Variants in ANKS6 observed in about 807,000 individuals in gnomAD.
ANKS6 encodes the protein ankyrin repeat and sterile alpha motif domain containing 6.
In ANKS6, 47 loss-of-function variants were observed where a neutral mutation model predicts 77.9. The ratio of observed to expected loss-of-function variants is 0.60; its 90% CI spans 0.48 to 0.77. ANKS6 has a LOEUF of 0.77. Ranked by LOEUF, ANKS6 falls within the 30% of genes least tolerant of loss-of-function variation. The probability of loss-of-function intolerance (pLI) is 0.00; values close to 1 mark genes in which losing one functional copy is unlikely to be tolerated. For synonymous variants in ANKS6, 488 were observed against 501.7 expected, an observed-to-expected ratio of 0.97 and a Z score of 0.37; for missense variants, 1,150 against 1,159.1, an observed-to-expected ratio of 0.99 and a Z score of 0.11.
At chr9:98,771,328 A>G (rs1833615484) in intron 9 of ANKS6, among the ~76,000 whole-genome samples, 1 of 152,052 alleles carries the variant, frequency 6.6e-6, no homozygotes, top group Non-Finnish European at 1.5e-5. Context: ...TCCAGGAAAA[A>G]ACCTGACCAT....
Position 98,790,278 on chromosome 9 carries a change from T to G in ANKS6, c.688A>C (p.Met230Leu). ...AGCCGCCCAGTGAGTGCGGCCAGCA[T>G]CAGCGGGCTCCAGCCCACGGTCCGG... is the stretch of plus-strand genomic sequence containing the variant. Reference protein sequence around the residue: ...AARTVGWSPLMLAALTGRLGV... With the variant: ...AARTVGWSPLLLAALTGRLGV... The change falls in exon 2 of 15, where the codon ATG becomes CTG. Residue 230 changes from methionine to leucine, a missense_variant. Transcript: ENST00000353234. The G allele has an allele frequency of 6.2e-7, 1 of 1,603,920 alleles. No homozygotes were observed.
At position 98,762,651 on chromosome 9, in the gene ANKS6, C is replaced by CT. The variant is rs143516830; in HGVS notation, c.2142+5429dup. ...TTGTTAAGTGCTTTTTCTGCATATT[C>CT]TTTAGTCTGTTCATACGGTGAAGGC... On this transcript the variant is annotated intron_variant, in intron 11 of 14. Transcript: ENST00000353234. 5.0e-3 allele frequency among the ~76,000 whole-genome samples: 756 copies of CT among 152,190 alleles called. 6 individuals carry two copies. Among genetic ancestry groups the CT allele is most frequent in the South Asian group, 0.022 (108 of 4,828 alleles).
intron 1 of ANKS6, 148 bp from the exon 2 acceptor site, chr9:98,790,754 T>A (rs1013352992): frequency 4.5e-6 from 5 of 1,108,996 alleles, no homozygotes; most frequent in East Asian, 2.6e-5. Flanking sequence ...GCCAGCCACA[T>A]GGATGCAGAT....
At chr9:98,772,332 G>A (rs1261564441) in intron 9 of ANKS6, among the ~76,000 whole-genome samples, 1 of 152,218 alleles carries the variant, frequency 6.6e-6, no homozygotes, top group Non-Finnish European at 1.5e-5. Flanking sequence ...CACAAGCCAA[G>A]CGAAGCCTAG....
chr9:98,733,074 G>A lies in ANKS6; in HGVS notation c.*3445C>T, dbSNP rs1225806385. 2.1e-5 allele frequency: 17 copies of A among 810,036 alleles called. No individual in the cohort carries two copies. Among genetic ancestry groups the A allele is most frequent in the African/African-American group, 5.6e-5 (3 of 53,400 alleles). The allele number at this position is 810,036 out of a possible 1,614,324, so 50.2% of individuals were successfully genotyped here. On this transcript the variant is annotated 3_prime_UTR_variant, in exon 15 of 15. Transcript: ENST00000353234. ...GGCTTCATCACCACACCATCTCACC[G>A]ACATGATTGTCTCCTCTAAGATACT...
chr9:98,741,288 A>C (rs966623530), intron 14 of ANKS6, among the ~76,000 whole-genome samples: 1 of 152,254 alleles, frequency 6.6e-6, no homozygotes, highest in Non-Finnish European at 1.5e-5. Flanking sequence ...AATTTATCTC[A>C]GTTATATTTT....
chr9:98,796,071 C>A lies in ANKS6; in HGVS notation c.359+62G>T, dbSNP rs889049709. On this transcript the variant is annotated intron_variant, in intron 1 of 14. Transcript: ENST00000353234. ...CCCGGGGCATCCGGCCGCCGGGGACCGCGTCTCGGGCCAGCGCCGGGCACC... is the reference window on the plus strand; with the variant it reads ...CCCGGGGCATCCGGCCGCCGGGGACAGCGTCTCGGGCCAGCGCCGGGCACC... 1.2e-5 allele frequency: 15 copies of A among 1,263,272 alleles called. No individual in the cohort carries two copies. In the African/African-American group the frequency reaches 2.3e-4, roughly 20 times the overall value. The allele number at this position is 1,263,272 out of a possible 1,614,324, so 78.3% of individuals were successfully genotyped here. A position where few individuals can be genotyped will look rare whatever the true frequency, so the allele number is the denominator to read the frequency against.
At position 98,780,233 on chromosome 9, in the gene ANKS6, G is replaced by A; in HGVS notation, c.1324C>T (p.Pro442Ser). The change falls in exon 6 of 15, where the codon CCC (proline) becomes TCC (serine). Residue 442 changes from proline to serine, a missense_variant. Pro to Ser is a moderately conservative substitution (Grantham distance 74, BLOSUM62 -1). Transcript: ENST00000353234. ...TCGGGCAGCACTGGGATGCTCCAGG[G>A]CTGTCGGACCTTCGAGTGGGGCAGG... ...PPLPHSKVRQ[P>S]WSIPVLPDDK... is the part of the protein sequence containing the mutation. The A allele has an allele frequency of 1.2e-6, 2 of 1,614,052 alleles. No homozygotes were observed. The highest frequency in any genetic ancestry group is 8.5e-7 in the Non-Finnish European group (1 of 1,180,024).
At chr9:98,771,730 C>T (rs916519989) in intron 9 of ANKS6, among the ~76,000 whole-genome samples, 3 of 152,122 alleles carry the variant, frequency 2.0e-5, no homozygotes, top group South Asian at 2.1e-4. Flanking sequence ...CCTCCCACAG[C>T]GGCTCCTCCC....
At chr9:98,774,302 C>T (rs1564207219) in intron 8 of ANKS6, among the ~76,000 whole-genome samples, 2 of 152,180 alleles carry the variant, frequency 1.3e-5, no homozygotes, top group Non-Finnish European at 2.9e-5. Context: ...CTCCTCACAG[C>T]AGCAAGATCA....
At chr9:98,774,151 T>G in intron 8 of ANKS6, 71 bp from the exon 9 acceptor site, 1 of 1,302,626 alleles carries the variant, frequency 7.7e-7, no homozygotes. Context: ...AGACTCCATG[T>G]TTTTCCTGCT....
Position 98,732,487 on chromosome 9 carries a change from A to G in ANKS6, c.*4032T>C. 6.4e-7 allele frequency: 1 copy of G among 1,550,496 alleles called. No individual in the cohort carries two copies. Among genetic ancestry groups the G allele is most frequent in the Non-Finnish European group, 8.7e-7 (1 of 1,146,968 alleles). ...CTTCTGTGGGCTCCGATGCCAGCAG[A>G]GCCACCTGAGCGGCTGCTACCTCTT... On this transcript the variant is annotated 3_prime_UTR_variant, in exon 15 of 15. Coordinates refer to ENST00000353234, the MANE Select transcript of ANKS6 (RefSeq NM_173551.5).
chr9:98,732,859 AC>A lies in ANKS6; in HGVS notation c.*3659del. On this transcript the variant is annotated 3_prime_UTR_variant, in exon 15 of 15. Coordinates refer to ENST00000353234, the MANE Select transcript of ANKS6 (RefSeq NM_173551.5). ...AAACAGAAAAACAGGCACCCAACTGACCCTTCCTCCCTGACGATCTAGAACT... is the reference window on the plus strand; with the variant it reads ...AAACAGAAAAACAGGCACCCAACTGACCTTCCTCCCTGACGATCTAGAACT... 8.4e-7 allele frequency: 1 copy of A among 1,188,636 alleles called. No individual in the cohort carries two copies. Among genetic ancestry groups the A allele is most frequent in the Non-Finnish European group, 1.0e-6 (1 of 955,326 alleles). 73.6% of individuals were successfully genotyped at this position (1,188,636 alleles called of 1,614,324 possible). A position where few individuals can be genotyped will look rare whatever the true frequency, so the allele number is the denominator to read the frequency against.
chr9:98,743,252 G>A (rs1198235352), intron 14 of ANKS6, among the ~76,000 whole-genome samples: 2 of 152,192 alleles, frequency 1.3e-5, no homozygotes, highest in Admixed American at 6.5e-5. Flanking sequence ...GTCCTCTAAC[G>A]CCTGGGCCAC....
chr9:98,772,872 T>A (rs187966210), intron 9 of ANKS6, among the ~76,000 whole-genome samples: 13 of 152,254 alleles, frequency 8.5e-5, no homozygotes, highest in Admixed American at 2.0e-4. Flanking sequence ...CTCCTAACAC[T>A]GCTCCCTGCC....
At chr9:98,754,918 T>C (rs2117915871) in intron 12 of ANKS6, among the ~76,000 whole-genome samples, 1 of 152,300 alleles carries the variant, frequency 6.6e-6, no homozygotes, top group South Asian at 2.1e-4. Flanking sequence ...CCACTCTTTT[T>C]TGGAAAACAA....
rs184307905 is a variant in ANKS6, at chr9:98,736,211, T to A, written c.*308A>T. Reference sequence around the variant, plus strand: ...CCCTTGCCGCCAGCCAGAAGCAAACTCTGAGGCTCCCGGGGAGGGCAGAGC... The same window carrying A: ...CCCTTGCCGCCAGCCAGAAGCAAACACTGAGGCTCCCGGGGAGGGCAGAGC... On this transcript the variant is annotated 3_prime_UTR_variant, in exon 15 of 15. Transcript: ENST00000353234. The A allele has an allele frequency of 8.4e-7, 1 of 1,193,526 alleles. No individual in the cohort carries two copies. Among genetic ancestry groups the A allele is most frequent in the East Asian group, 3.9e-5 (1 of 25,932 alleles). The allele number at this position is 1,193,526 out of a possible 1,614,324, so 73.9% of individuals were successfully genotyped here.
At chr9:98,737,276 A>T (rs1831551124) in intron 14 of ANKS6, among the ~76,000 whole-genome samples, 1 of 152,220 alleles carries the variant, frequency 6.6e-6, no homozygotes, top group South Asian at 2.1e-4. Flanking sequence ...ATCAGACAGG[A>T]AGTCAAACTG....
intron 11 of ANKS6, among the ~76,000 whole-genome samples, chr9:98,758,414 A>T (rs1832833585): frequency 6.7e-6 from 1 of 149,750 alleles, no homozygotes; most frequent in Non-Finnish European, 1.5e-5. Context: ...GTTTCTGCTG[A>T]CCCAGTACTA....
Sources: allele counts gnomAD v4.1 joint callset (sites outside exome capture counted in the v4.1 genomes callset), GRCh38; gene constraint gnomAD v4.1.1; transcripts MANE v1.5; gene names NCBI Gene and HGNC (gene_info 2026-07-23, HGNC 2026-07-21).